The following CHST3 variants were observed in gnomAD, a reference collection of about 807,000 sequenced individuals.
CHST3 encodes the protein carbohydrate sulfotransferase 3.
CHST3 carries 20 observed loss-of-function variants against 35.4 expected under a neutral mutation model. The ratio of observed to expected loss-of-function variants is 0.57; its 90% CI spans 0.40 to 0.82. The LOEUF is 0.82. CHST3 is among the 40% of genes least tolerant of loss of function. The pLI, the probability that CHST3 is intolerant of heterozygous loss-of-function variation, is 0.00. For synonymous variants in CHST3, 334 were observed against 295.9 expected (o/e 1.13, Z -1.32); for missense variants, 693 against 670.1 (o/e 1.03, Z -0.38).
chr10:71,977,887 T>A (rs1291797547), intron 1 of CHST3, among the ~76,000 whole-genome samples: 1 of 152,028 alleles, frequency 6.6e-6, no homozygotes, highest in East Asian at 1.9e-4. Context: ...CCAGGCTGAT[T>A]TTTTTATTTT....
intron 1 of CHST3, among the ~76,000 whole-genome samples, chr10:71,967,468 C>G (rs1429551700): frequency 6.6e-6 from 1 of 152,170 alleles, no homozygotes; most frequent in Non-Finnish European, 1.5e-5. Context: ...GGATAATAGC[C>G]GCTAACTCCA....
chr10:71,998,239 T>G (rs1029363743), intron 1 of CHST3, among the ~76,000 whole-genome samples: 100 of 152,248 alleles, frequency 6.6e-4, no homozygotes, highest in African/African-American at 2.0e-3. Flanking sequence ...ATGGCTTGCT[T>G]TCACTGTGCC....
In CHST3 at chr10:72,007,944, G is replaced by A. The variant is rs1276892538; in HGVS notation, c.913G>A (p.Ala305Thr). Residue 305 changes from alanine (A) to threonine (T), a missense_variant, in exon 3 of 3, where the codon GCC becomes ACC. Coordinates refer to ENST00000373115, the MANE Select transcript of CHST3 (RefSeq NM_004273.5). ...CATCCAGCTGGTGCGCGACCCCCGG[G>A]CCGTGCTGGCCTCGCGCATGGTGGC... ...RVIQLVRDPR[A>T]VLASRMVAFA... The A allele has an allele frequency of 1.3e-6, 2 of 1,549,864 alleles. No individual in the cohort carries two copies. Among genetic ancestry groups the A allele is most frequent in the East Asian group, 2.4e-5 (1 of 40,920 alleles).
intron 1 of CHST3, among the ~76,000 whole-genome samples, chr10:71,982,968 A>C (rs1286158733): frequency 1.3e-5 from 2 of 152,120 alleles, no homozygotes; most frequent in Non-Finnish European, 2.9e-5. Context: ...ACCTCACCAC[A>C]CTGCCCCCTC....
chr10:72,007,822 G>A lies in CHST3; in HGVS notation c.791G>A (p.Cys264Tyr), dbSNP rs942951728. ...AACGTGACGCTGGCCGCAGAGGCCT[G>A]CCGCCGCAAGGAGCACATGGCCCTC... ...PLNVTLAAEA[C>Y]RRKEHMALKA... is the part of the protein sequence containing the mutation. The change falls in exon 3 of 3, where the codon TGC (cysteine) becomes TAC (tyrosine). Residue 264 changes from cysteine (C) to tyrosine (Y), a missense_variant. Physicochemically the swap from Cys to Tyr is radical, Grantham distance 194. Coordinates refer to ENST00000373115, the MANE Select transcript of CHST3 (RefSeq NM_004273.5). 2.4e-5 allele frequency: 38 copies of A among 1,602,336 alleles called. No individual in the cohort carries two copies. The highest frequency in any genetic ancestry group is 3.1e-5 in the Non-Finnish European group (36 of 1,179,234).
chr10:71,966,622 A>T (rs577527469), intron 1 of CHST3, among the ~76,000 whole-genome samples: 1 of 152,310 alleles, frequency 6.6e-6, no homozygotes, highest in South Asian at 2.1e-4. Flanking sequence ...AGAGGAGGTG[A>T]TCTGGGCTTG....
Position 72,009,256 on chromosome 10 carries a change from C to A in CHST3, c.*785C>A, listed in dbSNP as rs1840082504. 1 of 152,316 alleles carries A rather than the reference C, an allele frequency of 6.6e-6. No homozygotes were observed. The highest frequency in any genetic ancestry group is 2.4e-5 in the African/African-American group (1 of 41,534). 9.4% of individuals were successfully genotyped at this position (152,316 alleles called of 1,614,324 possible). ...GTGCTTAACATTTGTAGGATTATTTCGAGGGCAGGGCAGGGGAAAGAAACG... is the reference window on the plus strand; with the variant it reads ...GTGCTTAACATTTGTAGGATTATTTAGAGGGCAGGGCAGGGGAAAGAAACG... On this transcript the variant is annotated 3_prime_UTR_variant, in exon 3 of 3. Coordinates refer to ENST00000373115, the MANE Select transcript of CHST3 (RefSeq NM_004273.5).
chr10:71,981,548 C>G (rs144355776), intron 1 of CHST3, among the ~76,000 whole-genome samples: 3 of 152,188 alleles, frequency 2.0e-5, no homozygotes, highest in African/African-American at 7.2e-5. Context: ...GGACTCCAGC[C>G]CCCCCAGGCA....
Position 72,005,879 on chromosome 10 carries a change from G to A in CHST3, c.37G>A (p.Asp13Asn), listed in dbSNP as rs376899300. 4.6e-5 allele frequency: 75 copies of A among 1,614,092 alleles called. No individual in the cohort carries two copies. The highest frequency in any genetic ancestry group is 5.9e-5 in the Non-Finnish European group (70 of 1,180,044). The change falls in exon 2 of 3, where the codon GAC becomes AAC. Residue 13 changes from aspartate (D) to asparagine (N), a missense_variant. By Grantham distance (23) the Asp-to-Asn change is conservative (BLOSUM62 1). Coordinates refer to ENST00000373115, the MANE Select transcript of CHST3 (RefSeq NM_004273.5). Reference sequence around the variant, plus strand: ...ACTCACTTTGCCCCAGGACTGCCGGGACTTTGTGCACAGCCTGAAGATGAG... The same window carrying A: ...ACTCACTTTGCCCCAGGACTGCCGGAACTTTGTGCACAGCCTGAAGATGAG... ...KGLTLPQDCRDFVHSLKMRSK... is the reference protein window; with the variant it reads ...KGLTLPQDCRNFVHSLKMRSK...
intron 1 of CHST3, among the ~76,000 whole-genome samples, chr10:71,986,832 G>A (rs1272800882): frequency 6.6e-6 from 1 of 152,200 alleles, no homozygotes; most frequent in Non-Finnish European, 1.5e-5. Context: ...TGGCATAGAC[G>A]GGCTCTGGCT....
intron 1 of CHST3, among the ~76,000 whole-genome samples, chr10:71,991,816 C>A (rs1252580268): frequency 1.3e-5 from 2 of 152,016 alleles, no homozygotes; most frequent in African/African-American, 2.4e-5. Context: ...CACCTGTAAT[C>A]CCAGCTACTC....
intron 1 of CHST3, among the ~76,000 whole-genome samples, chr10:71,998,557 A>G (rs1839962996): frequency 6.6e-6 from 1 of 152,242 alleles, no homozygotes; most frequent in African/African-American, 2.4e-5. Flanking sequence ...CAATGGGAGC[A>G]AGAAAGTGTG....
chr10:72,007,792 C>A lies in CHST3; in HGVS notation c.761C>A (p.Pro254His). Residue 254 changes from proline to histidine, a missense_variant, in exon 3 of 3, where the codon CCC becomes CAC. Pro to His is a moderately conservative substitution (Grantham distance 77). Coordinates refer to ENST00000373115, the MANE Select transcript of CHST3 (RefSeq NM_004273.5). ...CACTGCAAGAACCGCCGCTGCGGCC[C>A]CCTCAACGTGACGCTGGCCGCAGAG... Reference protein sequence around the residue: ...KYHCKNRRCGPLNVTLAAEAC... With the variant: ...KYHCKNRRCGHLNVTLAAEAC... The A allele has an allele frequency of 6.2e-7, 1 of 1,601,832 alleles. No individual in the cohort carries two copies. The highest frequency in any genetic ancestry group is 8.5e-7 in the Non-Finnish European group (1 of 1,179,680).
At chr10:71,999,330 G>C (rs1839970315) in intron 1 of CHST3, among the ~76,000 whole-genome samples, 1 of 152,242 alleles carries the variant, frequency 6.6e-6, no homozygotes, top group African/African-American at 2.4e-5. Context: ...ACTCCAAGGT[G>C]TTTGGCAACA....
Position 72,008,602 on chromosome 10 carries a change from G to A in CHST3, c.*131G>A, listed in dbSNP as rs1840075031. On this transcript the variant is annotated 3_prime_UTR_variant, in exon 3 of 3. Transcript: ENST00000373115. ...CCTGTAGCAGTAGGGCCCCCAGCCA[G>A]CGCTCCAGCCAAAGCGGCGGCCCCA... is the stretch of plus-strand genomic sequence containing the variant. The A allele has an allele frequency of 7.0e-7, 1 of 1,429,702 alleles. No individual in the cohort carries two copies. Among genetic ancestry groups the A allele is most frequent in the Admixed American group, 2.9e-5 (1 of 34,856 alleles). 88.6% of individuals were successfully genotyped at this position (1,429,702 alleles called of 1,614,324 possible).
chr10:72,007,962 A>G lies in CHST3; in HGVS notation c.931A>G (p.Met311Val). Residue 311 changes from methionine (M) to valine (V), a missense_variant, in exon 3 of 3, where the codon ATG becomes GTG. Physicochemically the swap from Met to Val is conservative, Grantham distance 21. Coordinates refer to ENST00000373115, the MANE Select transcript of CHST3 (RefSeq NM_004273.5). Reference protein sequence around the residue: ...RDPRAVLASRMVAFAGKYKTW... With the variant: ...RDPRAVLASRVVAFAGKYKTW... The stretch of plus-strand genomic sequence containing the variant: ...CCCCCGGGCCGTGCTGGCCTCGCGC[A>G]TGGTGGCCTTCGCCGGCAAGTATAA... 6.5e-7 allele frequency: 1 copy of G among 1,549,442 alleles called. No homozygotes were observed. The highest frequency in any genetic ancestry group is 8.7e-7 in the Non-Finnish European group (1 of 1,146,524).
At chr10:71,992,477 C>T (rs1839905633) in intron 1 of CHST3, among the ~76,000 whole-genome samples, 1 of 151,350 alleles carries the variant, frequency 6.6e-6, no homozygotes, top group Admixed American at 6.6e-5. Context: ...CCACTGCACC[C>T]AGCCACAATT....
At chr10:72,001,976 C>T (rs948386792) in intron 1 of CHST3, among the ~76,000 whole-genome samples, 1 of 152,168 alleles carries the variant, frequency 6.6e-6, no homozygotes, top group Non-Finnish European at 1.5e-5. Flanking sequence ...GTGAGTTCTG[C>T]GTGGGGCTTT....
At chr10:71,993,041 C>T (rs1055283464) in intron 1 of CHST3, among the ~76,000 whole-genome samples, 1 of 152,226 alleles carries the variant, frequency 6.6e-6, no homozygotes, top group African/African-American at 2.4e-5. Context: ...TGTGGCCCAA[C>T]ACAAATTTGT....
Sources: allele counts gnomAD v4.1 joint callset (sites outside exome capture counted in the v4.1 genomes callset), GRCh38; gene constraint gnomAD v4.1.1; transcripts MANE v1.5; gene names NCBI Gene and HGNC (gene_info 2026-07-23, HGNC 2026-07-21).